Variants in LRRC7 observed in about 807,000 individuals in gnomAD.
The protein encoded by LRRC7 is leucine-rich repeat-containing protein 7.
In LRRC7, 23 loss-of-function variants were observed where a neutral mutation model predicts 175.7. That is an observed-to-expected ratio of 0.13 (90% CI 0.09 to 0.19). The LOEUF is 0.19. LRRC7 is among the 10% of genes least tolerant of loss of function. The pLI is 1.00. For synonymous variants in LRRC7, 685 were observed against 680.9 expected (o/e 1.01, Z -0.09); for missense variants, 1,354 against 1,904.7 (o/e 0.71, Z 5.38).
intron 22 of LRRC7, 83 bp from the exon 23 acceptor site, chr1:70,052,943 C>T: frequency 7.4e-7 from 1 of 1,356,470 alleles, no homozygotes; most frequent in Non-Finnish European, 9.8e-7. Context: ...TTAATTTTAC[C>T]ATGATCATTA....
intron 2 of LRRC7, among the ~76,000 whole-genome samples, chr1:69,717,577 C>T (rs1004799849): frequency 6.6e-6 from 1 of 151,446 alleles, no homozygotes; most frequent in Non-Finnish European, 1.5e-5. Flanking sequence ...GTGGCACACG[C>T]TTATCCTATG....
At chr1:70,039,957 A>G (rs1439954920) in intron 21 of LRRC7, among the ~76,000 whole-genome samples, 164 bp downstream of exon 21, 1 of 152,176 alleles carries the variant, frequency 6.6e-6, no homozygotes, top group Non-Finnish European at 1.5e-5. Context: ...ATAGTTTTTC[A>G]TGGATGTGGC....
At chr1:69,927,238 A>G (rs1406480717) in intron 7 of LRRC7, among the ~76,000 whole-genome samples, 3 of 152,064 alleles carry the variant, frequency 2.0e-5, no homozygotes, top group Non-Finnish European at 1.5e-5. Context: ...GCTGCCCTTA[A>G]CATTTTTTCC....
chr1:69,782,047 C>T (rs1673825050), intron 3 of LRRC7, among the ~76,000 whole-genome samples: 1 of 152,028 alleles, frequency 6.6e-6, no homozygotes, highest in Non-Finnish European at 1.5e-5. Context: ...GCAATATGAC[C>T]TTGTAAAAGT....
Position 69,834,876 on chromosome 1 carries a change from A to T in LRRC7, c.590+7A>T. 6.2e-7 allele frequency: 1 copy of T among 1,606,472 alleles called. No homozygotes were observed. Among genetic ancestry groups the T allele is most frequent in the Non-Finnish European group, 8.5e-7 (1 of 1,173,370 alleles). ...TTCCAGCCAATTTTGGAAGGTAAGA[A>T]TAAGAAATTTAAATTATGCAATTAT... On this transcript the variant is annotated splice_region_variant and intron_variant, in intron 6 of 26. Transcript: ENST00000651989.
intron 13 of LRRC7, among the ~76,000 whole-genome samples, chr1:70,015,677 T>A (rs1250324993): frequency 2.0e-5 from 3 of 152,198 alleles, no homozygotes; most frequent in Non-Finnish European, 2.9e-5. Flanking sequence ...CTCCAAAGGC[T>A]GAAGCCAAAG....
At chr1:69,684,810 G>T (rs966539551) in intron 2 of LRRC7, among the ~76,000 whole-genome samples, 2 of 152,188 alleles carry the variant, frequency 1.3e-5, no homozygotes, top group Admixed American at 1.3e-4. Context: ...AACAACAGAG[G>T]TTTGGAAGAG....
intron 2 of LRRC7, among the ~76,000 whole-genome samples, chr1:69,744,976 C>G (rs972751224): frequency 2.6e-5 from 4 of 151,778 alleles, no homozygotes; most frequent in Admixed American, 1.3e-4. Flanking sequence ...ATGGATCCAC[C>G]TGCTCAAAAA....
intron 23 of LRRC7, among the ~76,000 whole-genome samples, chr1:70,061,519 T>G (rs1044877000): frequency 2.0e-5 from 3 of 152,166 alleles, no homozygotes; most frequent in African/African-American, 7.2e-5. Context: ...CAGTAAGCTC[T>G]GCCCAGAAAC....
At chr1:70,109,302 A>C (rs577550396) in intron 26 of LRRC7, among the ~76,000 whole-genome samples, 2 of 152,286 alleles carry the variant, frequency 1.3e-5, no homozygotes, top group South Asian at 4.1e-4. Context: ...GATTACAGAC[A>C]TGAGCCACTG....
chr1:69,612,596 G>A (rs981149827), intron 1 of LRRC7, among the ~76,000 whole-genome samples: 1 of 151,978 alleles, frequency 6.6e-6, no homozygotes, highest in Non-Finnish European at 1.5e-5. Context: ...TTTGACTTAA[G>A]GGAATACCCA....
intron 6 of LRRC7, among the ~76,000 whole-genome samples, chr1:69,837,941 A>C (rs1416736506): frequency 2.6e-5 from 4 of 151,534 alleles, no homozygotes; most frequent in African/African-American, 9.7e-5. Context: ...TTAATTTTTA[A>C]TTATTATGGG....
chr1:69,934,073 CTGT>C (rs1424187290), intron 8 of LRRC7, among the ~76,000 whole-genome samples: 2 of 152,126 alleles, frequency 1.3e-5, no homozygotes, highest in African/African-American at 2.4e-5. Flanking sequence ...ATGGAACTGG[CTGT>C]TGTTGTAACA....
chr1:69,642,698 A>C (rs1271324331), intron 1 of LRRC7, among the ~76,000 whole-genome samples: 1 of 152,068 alleles, frequency 6.6e-6, no homozygotes, highest in East Asian at 1.9e-4. Context: ...ACAACATGAA[A>C]ACATCATGTG....
intron 2 of LRRC7, among the ~76,000 whole-genome samples, chr1:69,702,191 T>C (rs1028941398): frequency 1.3e-5 from 2 of 152,190 alleles, no homozygotes; most frequent in African/African-American, 4.8e-5. Flanking sequence ...ACCTATCTGC[T>C]CGTGGGTCAT....
intron 1 of LRRC7, among the ~76,000 whole-genome samples, chr1:69,574,577 T>C (rs1212127350): frequency 6.6e-6 from 1 of 152,138 alleles, no homozygotes; most frequent in African/African-American, 2.4e-5. Context: ...GACACAAAGC[T>C]AAAATATGCC....
At chr1:69,578,505 C>T (rs1237714824) in intron 1 of LRRC7, among the ~76,000 whole-genome samples, 186 of 146,352 alleles carry the variant, frequency 1.3e-3, no homozygotes, top group Admixed American at 2.6e-3. Flanking sequence ...ATGTTTATTG[C>T]GGCACTATTC....
chr1:69,959,839 A>G (rs1650868329), intron 8 of LRRC7, among the ~76,000 whole-genome samples: 1 of 152,114 alleles, frequency 6.6e-6, no homozygotes, highest in African/African-American at 2.4e-5. Flanking sequence ...GATGAAGGCT[A>G]CTTGATTGTG....
At chr1:69,583,980 C>T (rs191646895) in intron 1 of LRRC7, among the ~76,000 whole-genome samples, 2 of 152,156 alleles carry the variant, frequency 1.3e-5, no homozygotes, top group Non-Finnish European at 2.9e-5. Context: ...ATAAGCAAAA[C>T]GGCAGAGAAA....
Sources: allele counts gnomAD v4.1 joint callset (sites outside exome capture counted in the v4.1 genomes callset), GRCh38; gene constraint gnomAD v4.1.1; transcripts MANE v1.5; gene names NCBI Gene and HGNC (gene_info 2026-07-23, HGNC 2026-07-21).